Variants in ACTA2 observed in about 807,000 individuals in gnomAD.
ACTA2 encodes actin, aortic smooth muscle.
In ACTA2, 12 loss-of-function variants were observed where a neutral mutation model predicts 39.5. The ratio of observed to expected loss-of-function variants is 0.30; its 90% confidence interval spans 0.19 to 0.49. The LOEUF (loss-of-function observed/expected upper bound fraction) is 0.49, where lower values mean the gene tolerates loss of function less well. ACTA2 is among the 20% of genes least tolerant of loss of function. The pLI is 0.99. For synonymous variants in ACTA2, 158 were observed against 180.6 expected, an observed-to-expected ratio of 0.88 and a Z score of 1.00; for missense variants, 236 against 498.8, an observed-to-expected ratio of 0.47 and a Z score of 5.02.
At position 88,989,471 on chromosome 10, in the gene ACTA2, G is replaced by T. The variant is rs1282134440; in HGVS notation, c.-24+1468C>A. 3 of 542,740 alleles carry T rather than the reference G, an allele frequency of 5.5e-6. No homozygotes were observed. In the African/African-American group the frequency reaches 5.7e-5, roughly 10 times the overall value. The allele number at this position is 542,740 out of a possible 1,614,324, so 33.6% of individuals were successfully genotyped here. A position where few individuals can be genotyped will look rare whatever the true frequency, so the allele number is the denominator to read the frequency against. ...CCACTTCTTTTTGTGTCTATTAGAT[G>T]CTCAGAGTGTGTGCACAAGGCTGGC... On this transcript the variant is annotated intron_variant, in intron 1 of 4. Transcript: ENST00000415557.
intron 2 of ACTA2, 151 bp downstream of exon 2, chr10:88,948,651 G>A (rs1020878800): frequency 5.0e-6 from 5 of 998,004 alleles, no homozygotes; most frequent in Non-Finnish European, 7.7e-6. Flanking sequence ...TGTGAAATTG[G>A]CATTTACTCC....
At chr10:88,988,079 C>G (rs1306331854) in intron 1 of ACTA2, among the ~76,000 whole-genome samples, 1 of 152,172 alleles carries the variant, frequency 6.6e-6, no homozygotes, top group Non-Finnish European at 1.5e-5. Context: ...ACTTGCCAGC[C>G]TCTACAATCA....
chr10:88,969,096 C>T (rs1028572939), intron 1 of ACTA2, among the ~76,000 whole-genome samples: 29 of 151,828 alleles, frequency 1.9e-4, no homozygotes. Flanking sequence ...GTTTTTTTCT[C>T]TCTTATTAAA....
chr10:88,976,549 G>A (rs528680837), intron 1 of ACTA2, among the ~76,000 whole-genome samples: 114 of 152,232 alleles, frequency 7.5e-4, no homozygotes, highest in Non-Finnish European at 7.1e-4. Context: ...AAATTTTGTA[G>A]TTCTATAGCA....
At chr10:88,991,007 G>A in exon 1 of ACTA2, 1 of 1,520,090 alleles carries the variant, frequency 6.6e-7, no homozygotes, top group Non-Finnish European at 9.1e-7. Flanking sequence ...CGGCGGCAGC[G>A]GCGCACGCGG....
intron 1 of ACTA2, among the ~76,000 whole-genome samples, chr10:88,965,553 G>A (rs1005836147): frequency 6.6e-6 from 1 of 152,114 alleles, no homozygotes; most frequent in Non-Finnish European, 1.5e-5. Flanking sequence ...CTTGCCTTAG[G>A]AGGTCAAACA....
intron 1 of ACTA2, among the ~76,000 whole-genome samples, chr10:88,961,498 AC>A (rs1846225417): frequency 6.6e-6 from 1 of 152,152 alleles, no homozygotes; most frequent in Non-Finnish European, 1.5e-5. Flanking sequence ...CAGCTGTTAC[AC>A]ATATGCAATG....
intron 1 of ACTA2, among the ~76,000 whole-genome samples, chr10:88,959,869 T>C (rs1335297301): frequency 6.6e-6 from 1 of 152,104 alleles, no homozygotes; most frequent in Non-Finnish European, 1.5e-5. Context: ...ATCAGATGTT[T>C]TGTAAACTGT....
At chr10:88,973,256 A>G in intron 1 of ACTA2, 2 of 1,612,652 alleles carry the variant, frequency 1.2e-6, no homozygotes, top group African/African-American at 1.3e-5. Context: ...GCTATGGACC[A>G]AATGGATTCC....
chr10:88,957,814 C>T (rs1401389843), intron 1 of ACTA2, among the ~76,000 whole-genome samples: 1 of 152,120 alleles, frequency 6.6e-6, no homozygotes, highest in Non-Finnish European at 1.5e-5. Context: ...GTCACCCAGG[C>T]TGGAGTGCAG....
chr10:88,964,986 A>G (rs1236133020), intron 1 of ACTA2, among the ~76,000 whole-genome samples: 2 of 152,104 alleles, frequency 1.3e-5, no homozygotes, highest in Non-Finnish European at 2.9e-5. Flanking sequence ...ACACAAATTC[A>G]TATAGTCCAG....
At chr10:88,975,175 G>A (rs552393485) in intron 1 of ACTA2, 1 of 151,020 alleles carries the variant, frequency 6.6e-6, no homozygotes, top group African/African-American at 2.4e-5. Flanking sequence ...AAACTCTCAA[G>A]CAAGAGCAAA....
intron 1 of ACTA2, 135 bp downstream of exon 1, chr10:88,952,596 T>C (rs976552188): frequency 1.3e-5 from 2 of 152,246 alleles, no homozygotes; most frequent in African/African-American, 2.4e-5. Context: ...ACAATCATTT[T>C]AGTAGTACAA....
Position 88,943,922 on chromosome 10 carries a change from G to A in ACTA2, c.259-15C>T. The A allele has an allele frequency of 6.2e-7, 1 of 1,608,588 alleles. No individual in the cohort carries two copies. The highest frequency in any genetic ancestry group is 8.5e-7 in the Non-Finnish European group (1 of 1,175,116). ...TGGTGCCAGATCTAGTGAGTTGGGG[G>A]ACAGAGGAGAAACACAATGATGTGC... is the stretch of plus-strand genomic sequence containing the variant. On this transcript the variant is annotated splice_polypyrimidine_tract_variant and intron_variant, in intron 3 of 8. Coordinates refer to ENST00000224784, the MANE Select transcript of ACTA2 (RefSeq NM_001613.4).
At chr10:88,965,154 T>G (rs1846298528) in intron 1 of ACTA2, among the ~76,000 whole-genome samples, 1 of 152,214 alleles carries the variant, frequency 6.6e-6, no homozygotes, top group Non-Finnish European at 1.5e-5. Context: ...ATCACTCCAG[T>G]GATTTCATCA....
rs148317705 is a variant in ACTA2 at position 88,945,974 on chromosome 10, G to A, written c.258+1284C>T. 9.9e-3 allele frequency among the ~76,000 whole-genome samples: 1,514 copies of A among 152,310 alleles called. 10 individuals carry two copies. Among genetic ancestry groups the A allele is most frequent in the Non-Finnish European group, 0.018 (1,221 of 68,020 alleles). On this transcript the variant is annotated intron_variant, in intron 3 of 8. Coordinates refer to ENST00000224784, the MANE Select transcript of ACTA2 (RefSeq NM_001613.4). ...TGCTGCTCATGCACTGCTTGTCCTA[G>A]GAGGGCAACAGAGTTGACGTGAGCA...
At chr10:88,958,128 T>A (rs1339925370) in intron 1 of ACTA2, among the ~76,000 whole-genome samples, 1 of 152,180 alleles carries the variant, frequency 6.6e-6, no homozygotes, top group Non-Finnish European at 1.5e-5. Flanking sequence ...TGTTTGCCTC[T>A]CTCGTAGCAC....
intron 1 of ACTA2, among the ~76,000 whole-genome samples, chr10:88,959,086 A>T (rs1486030434): frequency 6.6e-6 from 1 of 152,238 alleles, no homozygotes; most frequent in Admixed American, 6.5e-5. Context: ...AATATTCAAC[A>T]TCAGTGCTGT....
chr10:88,974,512 G>A (rs968875514), intron 1 of ACTA2: 1 of 152,128 alleles, frequency 6.6e-6, no homozygotes, highest in Non-Finnish European at 1.5e-5. Flanking sequence ...AGTGAGATCA[G>A]TTATTTATTT....
Sources: allele counts gnomAD v4.1 joint callset (sites outside exome capture counted in the v4.1 genomes callset), GRCh38; gene constraint gnomAD v4.1.1; transcripts MANE v1.5; gene names NCBI Gene and HGNC (gene_info 2026-07-23, HGNC 2026-07-21).